CEP152: variants seen among roughly 807,000 people sequenced by gnomAD.
CEP152 encodes the protein centrosomal protein of 152 kDa.
Under a neutral mutation model 188.9 loss-of-function variants are expected in CEP152, and 132 were observed. The observed-to-expected ratio is 0.70, with a 90% CI of 0.61 to 0.81. CEP152 has a LOEUF of 0.81. Ranked by LOEUF, CEP152 falls within the 30% of genes least tolerant of loss-of-function variation. The pLI is 0.00. For synonymous variants in CEP152, 649 were observed against 666.6 expected (o/e 0.97, Z 0.41); for missense variants, 1,914 against 1,969.8 (o/e 0.97, Z 0.54).
chr15:48,778,918 C>T (rs189360648), intron 12 of CEP152, among the ~76,000 whole-genome samples: 19 of 149,236 alleles, frequency 1.3e-4, no homozygotes, highest in Admixed American at 3.3e-4. Flanking sequence ...CATTGCACTC[C>T]GGTCTGGGCA....
At chr15:48,789,489 A>G (rs1261735985) in intron 8 of CEP152, among the ~76,000 whole-genome samples, 1 of 152,266 alleles carries the variant, frequency 6.6e-6, no homozygotes, top group South Asian at 2.1e-4. Context: ...GCAAAATCAT[A>G]GCCCTCCAAA....
chr15:48,767,707 C>A (rs1260649477), intron 15 of CEP152, among the ~76,000 whole-genome samples: 1 of 152,164 alleles, frequency 6.6e-6, no homozygotes, highest in Non-Finnish European at 1.5e-5. Flanking sequence ...GAGACTGCCC[C>A]AGTCCTTCAA....
At position 48,738,111 on chromosome 15, in the gene CEP152, A is replaced by T; in HGVS notation, c.*138T>A. On this transcript the variant is annotated 3_prime_UTR_variant, in exon 27 of 27. Transcript: ENST00000380950. ...CAACATAAATATCTCAAGCAATTTT[A>T]GAAGAATGCTTTACTTATATAACAG... 1.1e-6 allele frequency: 1 copy of T among 919,054 alleles called. No individual in the cohort carries two copies. Among genetic ancestry groups the T allele is most frequent in the Non-Finnish European group, 1.6e-6 (1 of 630,504 alleles). The allele number at this position is 919,054 out of a possible 1,614,324, so 56.9% of individuals were successfully genotyped here.
intron 25 of CEP152, 84 bp downstream of exon 25, chr15:48,741,863 A>G: frequency 6.2e-7 from 1 of 1,612,490 alleles, no homozygotes; most frequent in South Asian, 1.1e-5. Flanking sequence ...AGAAATAGTT[A>G]ATTTAGTGGT....
intron 10 of CEP152, 67 bp downstream of exon 10, chr15:48,783,906 C>T: frequency 6.5e-7 from 1 of 1,541,176 alleles, no homozygotes; most frequent in Non-Finnish European, 9.0e-7. Flanking sequence ...AGTCATGGAT[C>T]CTACTACATT....
Position 48,739,009 on chromosome 15 carries a change from C to T in CEP152, c.4373G>A (p.Arg1458Lys). 6.2e-7 allele frequency: 1 copy of T among 1,614,108 alleles called. No individual in the cohort carries two copies. Among genetic ancestry groups the T allele is most frequent in the Non-Finnish European group, 8.5e-7 (1 of 1,180,000 alleles). The change falls in exon 27 of 27, where the codon AGG (arginine) becomes AAG (lysine). Residue 1458 changes from arginine to lysine, a missense_variant. Arg to Lys is a conservative substitution (Grantham distance 26). Transcript: ENST00000380950. The part of the protein sequence containing the change: ...GSCKHLNSLP[R>K]NVSPEFVPCE... ...AGGAACAAACTCAGGAGAAACATTC[C>T]TTGGCAAACTGTTTAGGTGCTTGCA...
At chr15:48,752,576 A>G in intron 20 of CEP152, 107 bp from the exon 21 acceptor site, 1 of 1,499,362 alleles carries the variant, frequency 6.7e-7, no homozygotes, top group Admixed American at 2.2e-5. Flanking sequence ...ACCTGAAAAA[A>G]ATCTTGCCTG....
At chr15:48,762,988 T>TA (rs1343260543) in intron 17 of CEP152, among the ~76,000 whole-genome samples, 17 of 136,502 alleles carry the variant, frequency 1.2e-4, no homozygotes, top group African/African-American at 5.7e-4. Flanking sequence ...ATGGCAGGAT[T>TA]TAAAAAAAAA....
At position 48,805,737 on chromosome 15, in the gene CEP152, T is replaced by C. The variant is rs1595709089; in HGVS notation, c.-7-81A>G. On this transcript the variant is annotated intron_variant, in intron 1 of 26. Transcript: ENST00000380950. ...CAAACTACATAAGAGATGCCATACATACACAAAGTGAAAAGACAGAAACAG... is the reference window on the plus strand; with the variant it reads ...CAAACTACATAAGAGATGCCATACACACACAAAGTGAAAAGACAGAAACAG... The C allele has an allele frequency of 3.2e-6, 5 of 1,577,766 alleles. No individual in the cohort carries two copies. The East Asian group carries it at 9.0e-5, about 29-fold the overall frequency.
chr15:48,738,815 T>G lies in CEP152; in HGVS notation c.4567A>C (p.Thr1523Pro). ...GPSESGCMHI[T>P]FRDSNERLGL... ...AGTCTTTCATTAGAATCGCGAAAGGTTATATGCATGCATCCTGATTCAGAA... is the reference window on the plus strand; with the variant it reads ...AGTCTTTCATTAGAATCGCGAAAGGGTATATGCATGCATCCTGATTCAGAA... Residue 1523 changes from threonine (T) to proline (P), a missense_variant, in exon 27 of 27, where the codon ACC becomes CCC. Thr to Pro is a conservative substitution (Grantham distance 38, BLOSUM62 -1). Coordinates refer to ENST00000380950, the MANE Select transcript of CEP152 (RefSeq NM_001194998.2). 6.2e-7 allele frequency: 1 copy of G among 1,614,172 alleles called. No homozygotes were observed. Among genetic ancestry groups the G allele is most frequent in the Non-Finnish European group, 8.5e-7 (1 of 1,180,010 alleles).
intron 2 of CEP152, 44 bp from the exon 3 acceptor site, chr15:48,798,095 A>G (rs370418063): frequency 2.1e-4 from 311 of 1,513,160 alleles, no homozygotes; most frequent in Non-Finnish European, 2.7e-4. Flanking sequence ...ACTTAAACAC[A>G]AGACACCAAG....
chr15:48,805,448 TA>T, intron 2 of CEP152, 114 bp downstream of exon 2: 2 of 1,371,956 alleles, frequency 1.5e-6, no homozygotes, highest in East Asian at 2.6e-5. Context: ...GTTTTTTTTT[TA>T]AAAAATCCAA....
At chr15:48,791,516 T>C (rs1308547412) in intron 7 of CEP152, 140 bp from the exon 8 acceptor site, 1 of 773,284 alleles carries the variant, frequency 1.3e-6, no homozygotes, top group Non-Finnish European at 2.1e-6. Context: ...CTTTAGTTGA[T>C]TTAGAGAAAA....
rs144469727 is a variant in CEP152, at chr15:48,738,055, C to T, written c.*194G>A. The T allele has an allele frequency of 1.5e-3, 927 of 624,450 alleles. 3 individuals carry two copies. In the African/African-American group the frequency reaches 0.016, roughly 10 times the overall value. The allele number at this position is 624,450 out of a possible 1,614,324, so 38.7% of individuals were successfully genotyped here. A position where few individuals can be genotyped will look rare whatever the true frequency, so the allele number is the denominator to read the frequency against. On this transcript the variant is annotated 3_prime_UTR_variant, in exon 27 of 27. Coordinates refer to ENST00000380950, the MANE Select transcript of CEP152 (RefSeq NM_001194998.2). The stretch of plus-strand genomic sequence containing the variant: ...AAGCACCACACAAAAGCAGATTATA[C>T]ATACACCATCAGGCCTTTGGAATAT...
In CEP152 at chr15:48,739,281, G is replaced by A. The variant is rs1195930661; in HGVS notation, c.4101C>T (p.Pro1367=). 6.2e-7 allele frequency: 1 copy of A among 1,612,582 alleles called. No homozygotes were observed. The highest frequency in any genetic ancestry group is 2.2e-5 in the East Asian group (1 of 44,848). ...SQSKTTQSAL[P]LTSEMLIAVK... ...CTGCAATCAGCATCTCTGAAGTTAGGGGCAGTGCTATTATGTGCAAGGAAA... is the reference window on the plus strand; with the variant it reads ...CTGCAATCAGCATCTCTGAAGTTAGAGGCAGTGCTATTATGTGCAAGGAAA... Residue 1367 remains proline, a synonymous_variant, in exon 27 of 27, where the codon CCC becomes CCT. Transcript: ENST00000380950.
At position 48,772,493 on chromosome 15, in the gene CEP152, C is replaced by G. The variant is rs1895619653; in HGVS notation, c.1776G>C (p.Glu592Asp). The change falls in exon 13 of 27, where the codon GAG (glutamate) becomes GAC (aspartate). Residue 592 changes from glutamate (E) to aspartate (D), a missense_variant. Physicochemically the swap from Glu to Asp is conservative, Grantham distance 45. Coordinates refer to ENST00000380950, the MANE Select transcript of CEP152 (RefSeq NM_001194998.2). ...HQVKKDEKSI[E>D]VETKTDTSEK... is the part of the protein sequence containing the mutation. Reference sequence around the variant, plus strand: ...CTCTATAGGCTTTACATACCTCAACCTCAATGCTTTTTTCATCCTTCTTCA... The same window carrying G: ...CTCTATAGGCTTTACATACCTCAACGTCAATGCTTTTTTCATCCTTCTTCA... 6.2e-7 allele frequency: 1 copy of G among 1,611,762 alleles called. No homozygotes were observed. The highest frequency in any genetic ancestry group is 8.5e-7 in the Non-Finnish European group (1 of 1,179,666).
intron 20 of CEP152, among the ~76,000 whole-genome samples, chr15:48,754,433 A>T (rs1456122446): frequency 1.3e-5 from 2 of 152,230 alleles, no homozygotes; most frequent in African/African-American, 4.8e-5. Flanking sequence ...AAACGAAAGC[A>T]TGTAAACATG....
intron 26 of CEP152, 32 bp downstream of exon 26, chr15:48,741,569 G>A: frequency 1.2e-6 from 2 of 1,613,858 alleles, no homozygotes; most frequent in Non-Finnish European, 1.7e-6. Flanking sequence ...AGAAAAGATA[G>A]AAAAACCATT....
intron 7 of CEP152, among the ~76,000 whole-genome samples, chr15:48,792,009 T>G (rs904038792): frequency 6.6e-6 from 1 of 152,320 alleles, no homozygotes; most frequent in Non-Finnish European, 1.5e-5. Context: ...AACTCTTTTT[T>G]TTGAAACGGA....
Sources: allele counts gnomAD v4.1 joint callset (sites outside exome capture counted in the v4.1 genomes callset), GRCh38; gene constraint gnomAD v4.1.1; transcripts MANE v1.5; gene names NCBI Gene and HGNC (gene_info 2026-07-23, HGNC 2026-07-21).